SUSD6: variants seen among roughly 807,000 people sequenced by gnomAD.
SUSD6 encodes sushi domain-containing protein 6.
SUSD6 carries 16 observed loss-of-function variants against 28.4 expected under a neutral mutation model. That is an observed-to-expected ratio of 0.56 (90% CI 0.38 to 0.86). SUSD6 has a LOEUF of 0.86. Ranked by LOEUF, SUSD6 falls within the 40% of genes least tolerant of loss-of-function variation. The pLI is 0.00. For synonymous variants in SUSD6, 147 were observed against 159.6 expected, an observed-to-expected ratio of 0.92 and a Z score of 0.59; for missense variants, 341 against 384.2, an observed-to-expected ratio of 0.89 and a Z score of 0.94.
chr14:69,686,839 G>T (rs1886080750), intron 2 of SUSD6, among the ~76,000 whole-genome samples: 1 of 151,210 alleles, frequency 6.6e-6, no homozygotes, highest in Non-Finnish European at 1.5e-5. Context: ...TGTGATTTGG[G>T]TGGGGACACA....
At chr14:69,633,446 G>A (rs1473929980) in intron 1 of SUSD6, among the ~76,000 whole-genome samples, 3 of 152,124 alleles carry the variant, frequency 2.0e-5, no homozygotes, top group Non-Finnish European at 2.9e-5. Context: ...TGTTTGCTTC[G>A]GCATTCCTGC....
At chr14:69,617,955 G>A (rs1274288264) in intron 1 of SUSD6, among the ~76,000 whole-genome samples, 2 of 152,218 alleles carry the variant, frequency 1.3e-5, no homozygotes, top group African/African-American at 4.8e-5. Context: ...GACCTCAGGT[G>A]TAACCCGAGG....
At chr14:69,634,922 T>G (rs1885242356) in intron 1 of SUSD6, among the ~76,000 whole-genome samples, 1 of 152,212 alleles carries the variant, frequency 6.6e-6, no homozygotes, top group Non-Finnish European at 1.5e-5. Flanking sequence ...CCAGGCCACC[T>G]TTTTCAGATT....
chr14:69,641,206 A>G (rs1417815426), intron 1 of SUSD6, among the ~76,000 whole-genome samples: 1 of 151,970 alleles, frequency 6.6e-6, no homozygotes, highest in African/African-American at 2.4e-5. Context: ...TGTTTTTTTA[A>G]CATTTCGATT....
chr14:69,710,830 T>G, intron 5 of SUSD6, 124 bp from the exon 6 acceptor site: 1 of 875,408 alleles, frequency 1.1e-6, no homozygotes. Flanking sequence ...AGTGTATGAG[T>G]GGGACATTTA....
intron 1 of SUSD6, among the ~76,000 whole-genome samples, chr14:69,619,795 C>A (rs931500502): frequency 1.3e-5 from 2 of 151,838 alleles, no homozygotes; most frequent in East Asian, 3.9e-4. Context: ...AAAAAAAAAC[C>A]ACCTGACCCC....
chr14:69,692,239 T>C (rs912704305), intron 2 of SUSD6, among the ~76,000 whole-genome samples: 1 of 152,160 alleles, frequency 6.6e-6, no homozygotes, highest in African/African-American at 2.4e-5. Flanking sequence ...AACTGAGTCC[T>C]CTGGGCACAA....
At chr14:69,679,199 T>A (rs537502811) in intron 2 of SUSD6, among the ~76,000 whole-genome samples, 2 of 152,210 alleles carry the variant, frequency 1.3e-5, no homozygotes, top group Non-Finnish European at 2.9e-5. Context: ...ACCTTTGAGA[T>A]CCTTTTAGGG....
In SUSD6 at chr14:69,708,978, C is replaced by T; in HGVS notation, c.760C>T (p.Gln254Ter). Reference sequence around the variant, plus strand: ...GGCCTCAGAGACTGTGATGGTGCATCAGGCAACCACCTCTTCCTGGGTGGC... The same window carrying T: ...GGCCTCAGAGACTGTGATGGTGCATTAGGCAACCACCTCTTCCTGGGTGGC... ...SRASETVMVHQATTSSWVAGS... is the reference protein window; with the variant it reads ...SRASETVMVH The change falls in exon 5 of 6, where the codon CAG (glutamine) becomes TAG (stop). Residue 254 changes from glutamine (Q) to a stop codon, truncating the protein, a stop_gained. Transcript: ENST00000342745. LOFTEE classifies it high-confidence loss of function. 1 of 1,614,172 alleles carries T rather than the reference C, an allele frequency of 6.2e-7. No homozygotes were observed. Among genetic ancestry groups the T allele is most frequent in the Non-Finnish European group, 8.5e-7 (1 of 1,180,040 alleles).
At chr14:69,646,134 T>G (rs1198670023) in intron 1 of SUSD6, among the ~76,000 whole-genome samples, 3 of 152,232 alleles carry the variant, frequency 2.0e-5, no homozygotes, top group Admixed American at 2.0e-4. Context: ...ACCAGTGATT[T>G]CCTAGTGGCC....
intron 2 of SUSD6, among the ~76,000 whole-genome samples, chr14:69,676,993 A>G (rs940958106): frequency 6.6e-6 from 1 of 152,176 alleles, no homozygotes; most frequent in African/African-American, 2.4e-5. Flanking sequence ...TCATGCCCTT[A>G]GTGTTGCAGA....
At position 69,704,711 on chromosome 14, in the gene SUSD6, C is replaced by G; in HGVS notation, c.427C>G (p.Gln143Glu). The G allele has an allele frequency of 6.2e-7, 1 of 1,614,142 alleles. No homozygotes were observed. The highest frequency in any genetic ancestry group is 1.3e-5 in the African/African-American group (1 of 75,048). ...LLLVVLFVLL[Q>E]PKLKSFHHSR... The stretch of plus-strand genomic sequence containing the variant: ...CCTCGTGGTGCTGTTTGTGCTGCTG[C>G]AGCCAAAGCTGAAGTCTTTCCATCA... The change falls in exon 4 of 6, where the codon CAG (glutamine) becomes GAG (glutamate). Residue 143 changes from glutamine to glutamate, a missense_variant. By Grantham distance (29) the Gln-to-Glu change is conservative. Transcript: ENST00000342745.
At chr14:69,676,771 A>G (rs1885916450) in intron 2 of SUSD6, among the ~76,000 whole-genome samples, 3 of 152,246 alleles carry the variant, frequency 2.0e-5, no homozygotes, top group Non-Finnish European at 2.9e-5. Context: ...TGTACAGCCC[A>G]GCAATCTGCA....
chr14:69,634,158 CTGTT>C (rs1213959965), intron 1 of SUSD6, among the ~76,000 whole-genome samples: 1 of 152,210 alleles, frequency 6.6e-6, no homozygotes, highest in Non-Finnish European at 1.5e-5. Flanking sequence ...CCAGATGCCT[CTGTT>C]TGATCCAGGT....
intron 1 of SUSD6, among the ~76,000 whole-genome samples, chr14:69,654,552 T>C (rs1885550272): frequency 6.6e-6 from 1 of 152,142 alleles, no homozygotes; most frequent in Non-Finnish European, 1.5e-5. Flanking sequence ...ATTAGGTTTT[T>C]GGGATTTGTT....
rs1886339266 is a variant in SUSD6 at position 69,703,379 on chromosome 14, C to T, written c.122-16C>T. 6.2e-7 allele frequency: 1 copy of T among 1,608,982 alleles called. No individual in the cohort carries two copies. Among genetic ancestry groups the T allele is most frequent in the Admixed American group, 1.7e-5 (1 of 59,946 alleles). On this transcript the variant is annotated splice_polypyrimidine_tract_variant and intron_variant, in intron 2 of 5. Transcript: ENST00000342745. Reference sequence around the variant, plus strand: ...TACCTCACCACTGTACCCCTGCTCTCTCCCTGTCTTTGCAGTGTGCCCCCT... The same window carrying T: ...TACCTCACCACTGTACCCCTGCTCTTTCCCTGTCTTTGCAGTGTGCCCCCT...
intron 1 of SUSD6, among the ~76,000 whole-genome samples, chr14:69,651,338 A>C (rs541277650): frequency 6.6e-6 from 1 of 152,278 alleles, no homozygotes. Context: ...GATGTGAGCA[A>C]TTCTGGGGGT....
intron 1 of SUSD6, among the ~76,000 whole-genome samples, chr14:69,647,434 C>T (rs751589895): frequency 1.3e-5 from 2 of 152,168 alleles, no homozygotes; most frequent in Non-Finnish European, 2.9e-5. Flanking sequence ...CCATGGTGCT[C>T]ATGGGAGTAC....
intron 1 of SUSD6, among the ~76,000 whole-genome samples, chr14:69,635,861 C>T (rs1331365866): frequency 6.6e-6 from 1 of 152,240 alleles, no homozygotes; most frequent in Non-Finnish European, 1.5e-5. Flanking sequence ...GGGGATTGCA[C>T]TTGAGCATGT....
Sources: allele counts gnomAD v4.1 joint callset (sites outside exome capture counted in the v4.1 genomes callset), GRCh38; gene constraint gnomAD v4.1.1; transcripts MANE v1.5; gene names NCBI Gene and HGNC (gene_info 2026-07-23, HGNC 2026-07-21).